The following ARHGAP32 variants were observed in gnomAD, a reference collection of about 807,000 sequenced individuals.
The protein encoded by ARHGAP32 is rho GTPase-activating protein 32.
ARHGAP32 carries 51 observed loss-of-function variants against 186.5 expected under a neutral mutation model. The ratio of observed to expected loss-of-function variants is 0.27; its 90% confidence interval spans 0.22 to 0.35. ARHGAP32 has a LOEUF of 0.35. Ranked by LOEUF, ARHGAP32 falls within the 10% of genes least tolerant of loss-of-function variation. The probability of loss-of-function intolerance (pLI) is 1.00; values close to 1 mark genes in which losing one functional copy is unlikely to be tolerated. For synonymous variants in ARHGAP32, 950 were observed against 964.3 expected (o/e 0.99, Z 0.27); for missense variants, 2,186 against 2,623.5 (o/e 0.83, Z 3.64).
At chr11:129,210,843 A>G (rs1163749769) in intron 1 of ARHGAP32, among the ~76,000 whole-genome samples, 3 of 152,228 alleles carry the variant, frequency 2.0e-5, no homozygotes, top group South Asian at 4.1e-4. Context: ...CAGATTATAT[A>G]TAACTATTTT....
chr11:129,097,935 C>G (rs1258675038), intron 5 of ARHGAP32, among the ~76,000 whole-genome samples: 7 of 152,152 alleles, frequency 4.6e-5, no homozygotes, highest in Non-Finnish European at 8.8e-5. Context: ...AGGAGTGACT[C>G]AACACCTGCA....
chr11:129,171,436 C>G (rs1943758046), intron 1 of ARHGAP32, among the ~76,000 whole-genome samples: 1 of 152,106 alleles, frequency 6.6e-6, no homozygotes, highest in South Asian at 2.1e-4. Context: ...AGATCTCTTT[C>G]CCATTGTTTG....
intron 10 of ARHGAP32, among the ~76,000 whole-genome samples, chr11:129,052,449 C>T (rs952977470): frequency 1.2e-4 from 18 of 152,120 alleles, no homozygotes; most frequent in African/African-American, 4.3e-4. Flanking sequence ...AAGAGCCTGC[C>T]TGGGATTTTG....
At chr11:129,011,319 AG>A (rs1172248880) in intron 11 of ARHGAP32, among the ~76,000 whole-genome samples, 3 of 152,260 alleles carry the variant, frequency 2.0e-5, no homozygotes, top group Admixed American at 6.5e-5. Flanking sequence ...ATTCCGAATC[AG>A]GGCATTTAGC....
chr11:129,068,381 T>TAAAG (rs935883615), intron 6 of ARHGAP32, among the ~76,000 whole-genome samples: 4 of 152,138 alleles, frequency 2.6e-5, no homozygotes, highest in Admixed American at 2.6e-4. Context: ...TTTGATGCTT[T>TAAAG]GCTCAAGCAA....
At chr11:129,205,377 C>T (rs1220474149) in intron 1 of ARHGAP32, among the ~76,000 whole-genome samples, 1 of 152,114 alleles carries the variant, frequency 6.6e-6, no homozygotes, top group East Asian at 1.9e-4. Context: ...TACTTTTTCA[C>T]TATTACAGGT....
At chr11:129,180,760 T>C (rs1166466535) in intron 1 of ARHGAP32, among the ~76,000 whole-genome samples, 1 of 152,150 alleles carries the variant, frequency 6.6e-6, no homozygotes, top group East Asian at 1.9e-4. Context: ...CTGTATTTTT[T>C]ACCAGAGTTT....
chr11:129,187,910 A>G (rs1392077715), intron 1 of ARHGAP32, among the ~76,000 whole-genome samples: 1 of 151,794 alleles, frequency 6.6e-6, no homozygotes, highest in Non-Finnish European at 1.5e-5. Context: ...CATACAGTTA[A>G]TTGGGTTTTT....
chr11:129,160,202 T>C (rs901540356), intron 2 of ARHGAP32, among the ~76,000 whole-genome samples: 1 of 152,142 alleles, frequency 6.6e-6, no homozygotes, highest in African/African-American at 2.4e-5. Flanking sequence ...AAGACAAGGA[T>C]GCCCTCTCTC....
chr11:129,025,030 T>G (rs1565381778), intron 11 of ARHGAP32, among the ~76,000 whole-genome samples: 1 of 152,154 alleles, frequency 6.6e-6, no homozygotes, highest in Non-Finnish European at 1.5e-5. Flanking sequence ...TCCAATGACT[T>G]TTTACTAATA....
At chr11:128,995,514 C>G (rs1946173545) in intron 12 of ARHGAP32, among the ~76,000 whole-genome samples, 1 of 152,214 alleles carries the variant, frequency 6.6e-6, no homozygotes, top group Non-Finnish European at 1.5e-5. Flanking sequence ...ACAGCTCAAA[C>G]TTAAAATTTT....
intron 6 of ARHGAP32, among the ~76,000 whole-genome samples, chr11:129,077,759 C>G (rs1055165766): frequency 3.3e-5 from 5 of 152,166 alleles, no homozygotes; most frequent in African/African-American, 1.2e-4. Context: ...CCTCACCCTT[C>G]ACCTGAGAAA....
At chr11:129,224,837 TG>T (rs1273002122) in intron 1 of ARHGAP32, among the ~76,000 whole-genome samples, 7 of 142,680 alleles carry the variant, frequency 4.9e-5, no homozygotes, top group Non-Finnish European at 1.1e-4. Flanking sequence ...GAGGGCCAGG[TG>T]GGGTGGCTCA....
intron 6 of ARHGAP32, among the ~76,000 whole-genome samples, chr11:129,071,134 C>T (rs1940854562): frequency 6.6e-6 from 1 of 151,898 alleles, no homozygotes; most frequent in Non-Finnish European, 1.5e-5. Flanking sequence ...TGAATGTATA[C>T]TGATGTTATT....
chr11:129,067,260 A>G (rs944193146), intron 6 of ARHGAP32, among the ~76,000 whole-genome samples: 1 of 152,092 alleles, frequency 6.6e-6, no homozygotes, highest in Non-Finnish European at 1.5e-5. Flanking sequence ...GTTACTACCA[A>G]CATTTTCTGT....
chr11:129,030,013 T>C lies in ARHGAP32; in HGVS notation c.1045+10915A>G, dbSNP rs533161441. On this transcript the variant is annotated intron_variant, in intron 11 of 22. Transcript: ENST00000682385. ...GATACAGAGTGAGAAAATATTATCT[T>C]GATCTATCCTTTGCAATGTATTTGG... Among the ~76,000 whole-genome samples, 11 of 152,312 alleles carry C rather than the reference T, an allele frequency of 7.2e-5. No individual in the cohort carries two copies. The East Asian group carries it at 1.7e-3, about 24-fold the overall frequency.
chr11:129,269,988 A>G (rs760328585), intron 1 of ARHGAP32, among the ~76,000 whole-genome samples: 16 of 152,116 alleles, frequency 1.1e-4, no homozygotes, highest in Non-Finnish European at 8.8e-5. Context: ...TATTCTTAAC[A>G]TATGATCCCG....
At chr11:129,034,851 T>A (rs1203346652) in intron 11 of ARHGAP32, among the ~76,000 whole-genome samples, 99 of 137,070 alleles carry the variant, frequency 7.2e-4, no homozygotes, top group East Asian at 1.7e-3. Context: ...GAAAACAGAG[T>A]AAAAAAAAAA....
At chr11:129,077,484 T>A (rs1449174499) in intron 6 of ARHGAP32, among the ~76,000 whole-genome samples, 1 of 152,082 alleles carries the variant, frequency 6.6e-6, no homozygotes, top group African/African-American at 2.4e-5. Flanking sequence ...AGACTGGCCT[T>A]CCTGGCTGCA....
Sources: gnomAD v4.1 joint callset for allele counts (sites outside exome capture counted in the v4.1 genomes callset) on GRCh38, gnomAD v4.1.1 for gene constraint, MANE v1.5 for transcripts, NCBI Gene and HGNC (gene_info 2026-07-23, HGNC 2026-07-21) for gene names.